Variants in NOS3 observed in about 807,000 individuals in gnomAD.
NOS3 encodes the protein nitric oxide synthase 3.
Under a neutral mutation model 144.9 loss-of-function variants are expected in NOS3, and 98 were observed. The ratio of observed to expected loss-of-function variants is 0.68; its 90% CI spans 0.57 to 0.80. The LOEUF (loss-of-function observed/expected upper bound fraction) is 0.80, where lower values mean the gene tolerates loss of function less well. NOS3 is among the 30% of genes least tolerant of loss of function. NOS3 has a pLI of 0.00. For missense variants in NOS3, 1,465 were observed against 1,656.4 expected, an observed-to-expected ratio of 0.88 and a Z score of 2.01; for synonymous variants, 714 against 702.4, an observed-to-expected ratio of 1.02 and a Z score of -0.26.
intron 24 of NOS3, 197 bp downstream of exon 24, chr7:151,012,669 T>C: frequency 1.7e-6 from 1 of 572,410 alleles, no homozygotes; most frequent in Non-Finnish European, 3.1e-6. Context: ...TCCTGGTGCC[T>C]GGTACATAGT....
In NOS3 at chr7:151,002,159, G is replaced by C; in HGVS notation, c.1648-41G>C. On this transcript the variant is annotated intron_variant, in intron 13 of 26. Transcript: ENST00000297494. This position sits in a 1 kb window ranked among gnomAD's most constrained non-coding sequence, Gnocchi z 4.1. Reference sequence around the variant, plus strand: ...CCAGAGTGAGGAGGGCAGGGCCTCCGGGGGCCACAGCACCCAGGACATCTG... The same window carrying C: ...CCAGAGTGAGGAGGGCAGGGCCTCCCGGGGCCACAGCACCCAGGACATCTG... 2 of 1,455,228 alleles carry C rather than the reference G, an allele frequency of 1.4e-6. No homozygotes were observed. Among genetic ancestry groups the C allele is most frequent in the Non-Finnish European group, 1.9e-6 (2 of 1,053,648 alleles). The allele number at this position is 1,455,228 out of a possible 1,614,324, so 90.1% of individuals were successfully genotyped here.
chr7:151,012,218 GTTTT>G (rs978902057), intron 23 of NOS3, 129 bp from the exon 24 acceptor site: 2 of 522,030 alleles, frequency 3.8e-6, no homozygotes, highest in Non-Finnish European at 6.2e-6. Flanking sequence ...GTTGTTTTTT[GTTTT>G]TTGTTTTTTT....
At chr7:150,999,473 AG>A in intron 9 of NOS3, 109 bp downstream of exon 9, 1 of 1,236,086 alleles carries the variant, frequency 8.1e-7, no homozygotes, top group Non-Finnish European at 1.1e-6. Flanking sequence ...GAGCAGGTCC[AG>A]GGTTGCCTCC....
intron 25 of NOS3, 93 bp from the exon 26 acceptor site, chr7:151,013,631 G>C: frequency 1.8e-6 from 2 of 1,109,394 alleles, no homozygotes; most frequent in Non-Finnish European, 2.4e-6. Context: ...GGCCCGCTCC[G>C]GAGACTTTCA....
rs758252146 is a variant in NOS3 at position 151,012,482 on chromosome 7, G to A, written c.3106+10G>A. 4 of 1,610,964 alleles carry A rather than the reference G, an allele frequency of 2.5e-6. No individual in the cohort carries two copies. The East Asian group carries it at 8.9e-5, about 36-fold the overall frequency. ...GACATTGAGAGCAAAGGTGAGGCTG[G>A]GGACTAAAGGACTGCCTGAAGGGAG... On this transcript the variant is annotated intron_variant, in intron 24 of 26. Coordinates refer to ENST00000297494, the MANE Select transcript of NOS3 (RefSeq NM_000603.5).
chr7:151,011,746 G>T, intron 23 of NOS3: 2 of 334,418 alleles, frequency 6.0e-6, no homozygotes, highest in Admixed American at 3.9e-5. Context: ...GGCTGGTCTC[G>T]AGCTCCTGAC....
Position 151,009,592 on chromosome 7 carries a change from G to GCACA in NOS3, c.2512+7_2512+8insCACA. 1 of 1,520,058 alleles carries GCACA rather than the reference G, an allele frequency of 6.6e-7. No homozygotes were observed. Among genetic ancestry groups the GCACA allele is most frequent in the East Asian group, 2.5e-5 (1 of 40,482 alleles). 94.2% of individuals were successfully genotyped at this position (1,520,058 alleles called of 1,614,324 possible). A position where few individuals can be genotyped will look rare whatever the true frequency, so the allele number is the denominator to read the frequency against. On this transcript the variant is annotated splice_region_variant and intron_variant, in intron 20 of 26. Transcript: ENST00000297494. ...CTGGAGAAGGGCAGCCCTGGTGAGG[G>GCACA]GCAGCCTGGGAAGCAACAGGGCACA... is the stretch of plus-strand genomic sequence containing the variant.
Position 151,002,293 on chromosome 7 carries a change from G to GAGA in NOS3, c.1743_1745dup (p.Glu581_Asn582insLys), listed in dbSNP as rs1795125077. 1 of 1,583,074 alleles carries GAGA rather than the reference G, an allele frequency of 6.3e-7. No individual in the cohort carries two copies. Among genetic ancestry groups the GAGA allele is most frequent in the Admixed American group, 1.8e-5 (1 of 56,332 alleles). ...CACATTTGGGAATGGGGATCCCCCG[G>GAGA]AGAATGGAGAGGTGAGAACTTCCAG... On this transcript the variant is annotated inframe_insertion, in exon 14 of 27. Transcript: ENST00000297494. This position sits in a 1 kb window ranked among gnomAD's most constrained non-coding sequence, Gnocchi z 4.1.
rs1802288749 is a variant in NOS3, at chr7:150,993,068, G to C, written c.-51-685G>C. 6.6e-6 allele frequency among the ~76,000 whole-genome samples: 1 copy of C among 152,170 alleles called. No homozygotes were observed. The highest frequency in any genetic ancestry group is 1.5e-5 in the Non-Finnish European group (1 of 68,036). ...GCGTGCGTCACTGAATGACAGGGTG[G>C]GGGTGGAGGCACTGGAAGGCAGCTT... On this transcript the variant is annotated intron_variant, in intron 1 of 26. Transcript: ENST00000297494. The surrounding 1 kb of genome is among the most constrained non-coding windows in gnomAD (Gnocchi z 4.0).
Position 151,007,411 on chromosome 7 carries a change from T to C in NOS3, c.2112+135T>C, listed in dbSNP as rs571017146. Reference sequence around the variant, plus strand: ...AATCCACCCTCATCTCTCCATGGCATAGCCAGCTCTTCTGGGTCAGGGGCA... The same window carrying C: ...AATCCACCCTCATCTCTCCATGGCACAGCCAGCTCTTCTGGGTCAGGGGCA... On this transcript the variant is annotated intron_variant, in intron 17 of 26. Coordinates refer to ENST00000297494, the MANE Select transcript of NOS3 (RefSeq NM_000603.5). 53 of 1,003,668 alleles carry C rather than the reference T, an allele frequency of 5.3e-5. No homozygotes were observed. The East Asian group carries it at 1.3e-3, about 24-fold the overall frequency. 62.2% of individuals were successfully genotyped at this position (1,003,668 alleles called of 1,614,324 possible). A position where few individuals can be genotyped will look rare whatever the true frequency, so the allele number is the denominator to read the frequency against.
Position 151,003,526 on chromosome 7 carries a change from C to A in NOS3, c.1752+1222C>A. On this transcript the variant is annotated intron_variant, in intron 14 of 26. Coordinates refer to ENST00000297494, the MANE Select transcript of NOS3 (RefSeq NM_000603.5). This position sits in a 1 kb window ranked among gnomAD's most constrained non-coding sequence, Gnocchi z 4.1. ...ACCTACCTTTTCAAGAAAAATAGCA[C>A]CAGCAATTGACTTTTTTTTAGCATA... The A allele has an allele frequency of 1.6e-6, 2 of 1,266,340 alleles. No homozygotes were observed. The highest frequency in any genetic ancestry group is 1.5e-5 in the African/African-American group (1 of 64,630). 78.4% of individuals were successfully genotyped at this position (1,266,340 alleles called of 1,614,324 possible). A position where few individuals can be genotyped will look rare whatever the true frequency, so the allele number is the denominator to read the frequency against.
At chr7:151,011,052 G>T (rs769741925) in intron 23 of NOS3, 66 bp downstream of exon 23, 5 of 1,119,878 alleles carry the variant, frequency 4.5e-6, no homozygotes, top group Non-Finnish European at 6.7e-6. Flanking sequence ...GGTGAGGAGT[G>T]TCACTGGTGA....
intron 25 of NOS3, 124 bp downstream of exon 25, chr7:151,013,503 T>C (rs1160582532): frequency 7.7e-7 from 1 of 1,290,572 alleles, no homozygotes; most frequent in African/African-American, 1.5e-5. Context: ...CAGCCACCCC[T>C]GCACACTCTG....
chr7:150,998,690 G>A lies in NOS3; in HGVS notation c.816+10G>A, dbSNP rs201382540. 122 of 1,600,776 alleles carry A rather than the reference G, an allele frequency of 7.6e-5. No homozygotes were observed. The highest frequency in any genetic ancestry group is 5.5e-4 in the African/African-American group (41 of 74,962). On this transcript the variant is annotated intron_variant, in intron 7 of 26. Transcript: ENST00000297494. The surrounding 1 kb of genome is among the most constrained non-coding windows in gnomAD (Gnocchi z 5.0). The stretch of plus-strand genomic sequence containing the variant: ...CGTGGAGATCACCGAGGTGGGCACC[G>A]AGGGCCACCCATGAGGGTGTCCCCA...
At position 150,999,349 on chromosome 7, in the gene NOS3, C is replaced by T. The variant is rs770371550; in HGVS notation, c.1116C>T (p.Arg372=). 1 of 1,582,474 alleles carries T rather than the reference C, an allele frequency of 6.3e-7. No homozygotes were observed. Residue 372 remains arginine (R), a synonymous_variant, in exon 9 of 27, where the codon CGC becomes CGT. Transcript: ENST00000297494. ...IGTRNLCDPH[R]YNILEDVAVC... is the part of the protein sequence containing the mutation. Reference sequence around the variant, plus strand: ...CGAGGAACCTGTGTGACCCTCACCGCTACAACATCCTGGAGGTGAGGTGCG... The same window carrying T: ...CGAGGAACCTGTGTGACCCTCACCGTTACAACATCCTGGAGGTGAGGTGCG...
chr7:151,008,859 C>T (rs1368064011), intron 17 of NOS3, 71 bp from the exon 18 acceptor site: 2 of 1,490,806 alleles, frequency 1.3e-6, no homozygotes, highest in East Asian at 2.4e-5. Context: ...CGCAGTGAAG[C>T]CGCCCAGGCG....
chr7:151,002,826 T>C lies in NOS3; in HGVS notation c.1752+522T>C. 5.2e-6 allele frequency: 1 copy of C among 191,952 alleles called. No individual in the cohort carries two copies. Among genetic ancestry groups the C allele is most frequent in the Non-Finnish European group, 1.1e-5 (1 of 91,008 alleles). 11.9% of individuals were successfully genotyped at this position (191,952 alleles called of 1,614,324 possible). A position where few individuals can be genotyped will look rare whatever the true frequency, so the allele number is the denominator to read the frequency against. ...CAGCATTTTATTTTATTTGTTTTAT[T>C]TATTTTGAGAACCTATTTACGTTGC... On this transcript the variant is annotated intron_variant, in intron 14 of 26. Transcript: ENST00000297494. This position sits in a 1 kb window ranked among gnomAD's most constrained non-coding sequence, Gnocchi z 4.1.
At chr7:151,009,968 C>A in intron 20 of NOS3, 147 bp from the exon 21 acceptor site, 1 of 600,502 alleles carries the variant, frequency 1.7e-6, no homozygotes. Context: ...GCCAGGGGCC[C>A]CCGAACAATA....
At chr7:151,012,896 T>G in intron 24 of NOS3, 1 of 368,308 alleles carries the variant, frequency 2.7e-6, no homozygotes, top group Non-Finnish European at 4.9e-6. Context: ...GGAGGAGAGT[T>G]ATAAGTATGG....
Sources: allele counts gnomAD v4.1 joint callset (sites outside exome capture counted in the v4.1 genomes callset), GRCh38; gene constraint gnomAD v4.1.1; non-coding constraint Gnocchi (gnomAD v3.1); transcripts MANE v1.5; gene names NCBI Gene and HGNC (gene_info 2026-07-23, HGNC 2026-07-21).